ANK3: variants seen among roughly 807,000 people sequenced by gnomAD.
The protein encoded by ANK3 is ankyrin 3, also known as ankyrin-3.
Under a neutral mutation model 370.9 loss-of-function variants are expected in ANK3, and 57 were observed. The ratio of observed to expected loss-of-function variants is 0.15; its 90% confidence interval spans 0.12 to 0.19. ANK3 has a LOEUF of 0.19. ANK3 is among the 10% of genes least tolerant of loss of function. The pLI is 1.00. For synonymous variants in ANK3, 1,929 were observed against 1,946.3 expected, an observed-to-expected ratio of 0.99 and a Z score of 0.23; for missense variants, 4,439 against 5,302.1, an observed-to-expected ratio of 0.84 and a Z score of 5.06.
At chr10:60,082,422 G>A in intron 34 of ANK3, 193 bp downstream of exon 34, 3 of 789,744 alleles carry the variant, frequency 3.8e-6, no homozygotes, top group Non-Finnish European at 5.9e-6. Context: ...GCGATAAACA[G>A]AGAAGACTCC....
chr10:60,056,497 C>T (rs1449013094), intron 41 of ANK3, among the ~76,000 whole-genome samples: 1 of 151,958 alleles, frequency 6.6e-6, no homozygotes, highest in Admixed American at 6.6e-5. Context: ...GTAAAGGGCT[C>T]TCATGGGTGC....
In ANK3 at chr10:60,073,130, G is replaced by T; in HGVS notation, c.7751C>A (p.Ala2584Asp). 2.5e-6 allele frequency: 4 copies of T among 1,613,998 alleles called. No individual in the cohort carries two copies. The highest frequency in any genetic ancestry group is 3.4e-6 in the Non-Finnish European group (4 of 1,179,990). ...TGACACTTCAGTCAGTTTTTCTTCAGCCTCCTTCACAGTCCTGTCCACCCT... is the reference window on the plus strand; with the variant it reads ...TGACACTTCAGTCAGTTTTTCTTCATCCTCCTTCACAGTCCTGTCCACCCT... ...EDRVDRTVKE[A>D]EEKLTEVSQF... Residue 2584 changes from alanine to aspartate, a missense_variant, in exon 37 of 44, where the codon GCT becomes GAT. Ala to Asp is a moderately radical substitution (Grantham distance 126). This residue lies in a region of ANK3 where 1,601 missense variants were observed against 1,731.7 expected (regional missense o/e 0.92). Transcript: ENST00000280772.
chr10:60,284,582 C>CATTT (rs371635173), intron 1 of ANK3, among the ~76,000 whole-genome samples: 2 of 152,096 alleles, frequency 1.3e-5, no homozygotes, highest in African/African-American at 2.4e-5. Flanking sequence ...TTCATTCATT[C>CATTT]GTTCATTTTC....
chr10:60,145,880 C>T, intron 23 of ANK3: 1 of 689,610 alleles, frequency 1.5e-6, no homozygotes, highest in South Asian at 1.5e-5. Flanking sequence ...ATAGTAGGTG[C>T]TCAATAAATG....
chr10:60,032,162 A>G (rs2073743802), intron 43 of ANK3, among the ~76,000 whole-genome samples: 1 of 132,198 alleles, frequency 7.6e-6, no homozygotes, highest in African/African-American at 2.9e-5. Context: ...TAATTTGTAT[A>G]TCATACTTCA....
intron 1 of ANK3, among the ~76,000 whole-genome samples, chr10:60,712,352 A>C (rs1331337232): frequency 2.0e-5 from 3 of 152,186 alleles, no homozygotes; most frequent in Non-Finnish European, 4.4e-5. Flanking sequence ...TAAGGGATGA[A>C]AGGGAGGAAT....
intron 1 of ANK3, among the ~76,000 whole-genome samples, chr10:60,358,607 G>A (rs913297394): frequency 6.6e-6 from 1 of 152,172 alleles, no homozygotes; most frequent in Admixed American, 6.5e-5. Context: ...GCTGTCTCAT[G>A]TCTCAGATTT....
In ANK3 at chr10:60,699,540, C is replaced by G. The variant is rs547167212; in HGVS notation, c.57+33723G>C. On this transcript the variant is annotated intron_variant, in intron 1 of 43. Coordinates refer to the ANK3 transcript ENST00000373827. ...CTGAAACCAATAAAAAAATTCTTAG[C>G]ACTTAAAGCCTATGTTCATAGAAAA... Among the ~76,000 whole-genome samples, 364 of 152,058 alleles carry G rather than the reference C, an allele frequency of 2.4e-3. 2 individuals carry two copies. Among genetic ancestry groups the G allele is most frequent in the African/African-American group, 8.5e-3 (352 of 41,524 alleles).
At chr10:60,140,599 A>G (rs1489228364) in intron 23 of ANK3, 2 of 1,393,790 alleles carry the variant, frequency 1.4e-6, no homozygotes, top group African/African-American at 1.5e-5. Flanking sequence ...CAGGCCCCCA[A>G]AAAAATCTTT....
chr10:60,499,146 G>C lies in ANK3; in HGVS notation c.96+116040C>G, dbSNP rs72807939. Among the ~76,000 whole-genome samples the C allele has an allele frequency of 5.2e-3, 785 of 152,288 alleles. 4 individuals are homozygous for C. Among genetic ancestry groups the C allele is most frequent in the Non-Finnish European group, 6.7e-3 (455 of 68,018 alleles). ...CACATTCTCGCCCTCAGAGGTTCTA[G>C]TAGCCTCAATATGTCCATAAAACTT... On this transcript the variant is annotated intron_variant, in intron 2 of 43. Coordinates refer to the ANK3 transcript ENST00000373827.
intron 1 of ANK3, among the ~76,000 whole-genome samples, chr10:60,696,500 C>A (rs954931282): frequency 5.3e-5 from 8 of 151,422 alleles, no homozygotes; most frequent in Non-Finnish European, 1.0e-4. Context: ...GCAAAAATCC[C>A]CAATAAAATA....
At chr10:60,111,095 G>T (rs370932231) in intron 26 of ANK3, among the ~76,000 whole-genome samples, 186 of 152,288 alleles carry the variant, frequency 1.2e-3, no homozygotes, top group African/African-American at 4.4e-3. Context: ...GTGAGACTCG[G>T]TTACTAATAC....
chr10:60,692,431 G>A (rs557689192), intron 1 of ANK3, among the ~76,000 whole-genome samples: 1 of 152,242 alleles, frequency 6.6e-6, no homozygotes, highest in Non-Finnish European at 1.5e-5. Flanking sequence ...CTGAGCATAG[G>A]TATTTCTGTA....
At chr10:60,178,788 A>G (rs540331405) in intron 18 of ANK3, among the ~76,000 whole-genome samples, 2 of 152,338 alleles carry the variant, frequency 1.3e-5, no homozygotes, top group East Asian at 3.9e-4. Context: ...GGTGGTCTAA[A>G]TAAAATGCTT....
intron 1 of ANK3, among the ~76,000 whole-genome samples, chr10:60,684,258 C>T (rs2079236891): frequency 1.3e-5 from 2 of 152,270 alleles, no homozygotes; most frequent in South Asian, 2.1e-4. Flanking sequence ...GTGGAGCTGC[C>T]GGACAACCAC....
intron 2 of ANK3, among the ~76,000 whole-genome samples, chr10:60,590,814 T>C (rs956809342): frequency 5.9e-5 from 9 of 152,264 alleles, no homozygotes; most frequent in Admixed American, 2.6e-4. Flanking sequence ...GTAGATGCTA[T>C]GTAAATAGTT....
At chr10:60,307,932 A>G (rs549744785) in intron 1 of ANK3, among the ~76,000 whole-genome samples, 10 of 152,356 alleles carry the variant, frequency 6.6e-5, no homozygotes, top group African/African-American at 9.6e-5. Context: ...TTTTTAAAAA[A>G]GAAAATGTGA....
intron 42 of ANK3, chr10:60,043,719 C>T (rs1451872989): frequency 4.1e-6 from 4 of 985,310 alleles, no homozygotes; most frequent in Admixed American, 6.2e-5. Context: ...GCCCCTGTCC[C>T]AACAGACACT....
rs545355821 is a variant in ANK3, at chr10:60,206,062, G to A, written c.1195-172C>T. ...TCTAGAAGTAGTCCAGCTGCCCTGG[G>A]AACCCAAGGTACCCTGATAATTGTG... On this transcript the variant is annotated intron_variant, in intron 10 of 43. Coordinates refer to ENST00000280772, the MANE Select transcript of ANK3 (RefSeq NM_020987.5). 1.1e-4 allele frequency among the ~76,000 whole-genome samples: 17 copies of A among 152,270 alleles called. No homozygotes were observed. In the South Asian group the frequency reaches 3.5e-3, roughly 32 times the overall value.
Sources: gnomAD v4.1 joint callset for allele counts (sites outside exome capture counted in the v4.1 genomes callset) on GRCh38, gnomAD v4.1.1 for gene constraint, gnomAD v4.1.1 regional missense constraint, MANE v1.5 for transcripts, NCBI Gene and HGNC (gene_info 2026-07-23, HGNC 2026-07-21) for gene names.